The following MTDH variants were observed in gnomAD, a reference collection of about 807,000 sequenced individuals.
The protein encoded by MTDH is metadherin, also known as protein LYRIC.
A neutral mutation model predicts 72.7 loss-of-function variants in MTDH; 34 were observed. That is an observed-to-expected ratio of 0.47 (90% CI 0.36 to 0.62). MTDH has a LOEUF of 0.62. Ranked by LOEUF, MTDH falls within the 20% of genes least tolerant of loss-of-function variation. The pLI is 0.00. For missense variants in MTDH, 677 were observed against 699.4 expected (o/e 0.97, Z 0.36); for synonymous variants, 266 against 268.9 (o/e 0.99, Z 0.10).
chr8:97,696,252 C>G, intron 6 of MTDH: 4 of 985,320 alleles, frequency 4.1e-6, no homozygotes, highest in Non-Finnish European at 4.8e-6. Flanking sequence ...GAACAGAATT[C>G]TGCTTCTTTT....
chr8:97,660,734 T>C (rs930847021), intron 1 of MTDH, among the ~76,000 whole-genome samples: 2 of 152,124 alleles, frequency 1.3e-5, no homozygotes, highest in African/African-American at 4.8e-5. Context: ...ATGAGTGAAA[T>C]ATTCTGAGAT....
chr8:97,683,805 T>C (rs1028913709), intron 2 of MTDH, among the ~76,000 whole-genome samples: 13 of 152,060 alleles, frequency 8.5e-5, no homozygotes, highest in Non-Finnish European at 1.8e-4. Context: ...CGTGTGGATA[T>C]TGAGCACTTA....
At chr8:97,646,716 C>T (rs916689035) in intron 1 of MTDH, among the ~76,000 whole-genome samples, 1 of 152,154 alleles carries the variant, frequency 6.6e-6, no homozygotes, top group Non-Finnish European at 1.5e-5. Context: ...AAGACTTACC[C>T]CCTCATTTTC....
intron 2 of MTDH, among the ~76,000 whole-genome samples, chr8:97,673,024 C>A (rs1365310506): frequency 6.6e-6 from 1 of 152,120 alleles, no homozygotes; most frequent in African/African-American, 2.4e-5. Context: ...GTAGACACGG[C>A]TGTATGTAAT....
chr8:97,650,420 G>T (rs961672105), intron 1 of MTDH, among the ~76,000 whole-genome samples: 1 of 150,608 alleles, frequency 6.6e-6, no homozygotes, highest in Non-Finnish European at 1.5e-5. Context: ...GACTACAGAC[G>T]CACACCACCA....
chr8:97,652,497 T>C (rs1011910173), intron 1 of MTDH, among the ~76,000 whole-genome samples: 3 of 152,224 alleles, frequency 2.0e-5, no homozygotes, highest in Non-Finnish European at 4.4e-5. Context: ...TTCATAGTGG[T>C]TATTACAGTT....
At chr8:97,669,728 C>G (rs924454704) in intron 2 of MTDH, among the ~76,000 whole-genome samples, 1 of 151,446 alleles carries the variant, frequency 6.6e-6, no homozygotes, top group Non-Finnish European at 1.5e-5. Flanking sequence ...ACCAGCCTGG[C>G]CAACATGGTG....
rs747881795 is a variant in MTDH at position 97,730,087 on chromosome 8, A to G, written c.*5417A>G. On this transcript the variant is annotated 3_prime_UTR_variant, in exon 12 of 12. Coordinates refer to ENST00000336273, the MANE Select transcript of MTDH (RefSeq NM_178812.4). ...ATAGTTACAGTACTGAAGCTTGTGA[A>G]TACGTTAATTGAGAAAACTTTAAGC... is the stretch of plus-strand genomic sequence containing the variant. Among the ~76,000 whole-genome samples, 1 of 152,188 alleles carries G rather than the reference A, an allele frequency of 6.6e-6. No homozygotes were observed. The highest frequency in any genetic ancestry group is 2.4e-5 in the African/African-American group (1 of 41,452).
At chr8:97,652,994 C>CTAT (rs1288321965) in intron 1 of MTDH, among the ~76,000 whole-genome samples, 1 of 151,970 alleles carries the variant, frequency 6.6e-6, no homozygotes, top group Non-Finnish European at 1.5e-5. Flanking sequence ...TGGCGTGCAC[C>CTAT]TATAGTCCCA....
intron 10 of MTDH, among the ~76,000 whole-genome samples, chr8:97,719,492 C>CAAAAA (rs11383714): frequency 2.5e-5 from 2 of 79,900 alleles, no homozygotes; most frequent in African/African-American, 8.1e-5. Context: ...GACACTGTCT[C>CAAAAA]AAAAAAAAAA....
At position 97,653,938 on chromosome 8, in the gene MTDH, C is replaced by T. The variant is rs150695009; in HGVS notation, c.382-7134C>T. 5.3e-3 allele frequency among the ~76,000 whole-genome samples: 810 copies of T among 152,268 alleles called. 5 individuals carry two copies. Among genetic ancestry groups the T allele is most frequent in the African/African-American group, 0.017 (717 of 41,556 alleles). ...TATCATTTGTAGTCCTTATCATACC[C>T]ATCAGATGTAAAATATTGAAAACCA... On this transcript the variant is annotated intron_variant, in intron 1 of 11. Coordinates refer to ENST00000336273, the MANE Select transcript of MTDH (RefSeq NM_178812.4).
At chr8:97,668,494 A>G (rs886506858) in intron 2 of MTDH, among the ~76,000 whole-genome samples, 4 of 152,174 alleles carry the variant, frequency 2.6e-5, no homozygotes, top group East Asian at 1.9e-4. Context: ...AGATAGACCA[A>G]TGGATTTTAA....
intron 1 of MTDH, among the ~76,000 whole-genome samples, chr8:97,660,797 C>T (rs577689053): frequency 6.6e-6 from 1 of 152,110 alleles, no homozygotes; most frequent in South Asian, 2.1e-4. Context: ...CTCCTTTTAA[C>T]TGCTTCCATT....
chr8:97,666,461 TTC>T (rs1213604244), intron 2 of MTDH, among the ~76,000 whole-genome samples: 1 of 152,232 alleles, frequency 6.6e-6, no homozygotes, highest in Non-Finnish European at 1.5e-5. Flanking sequence ...GGAATGCTCC[TTC>T]AGTTTCTCTA....
chr8:97,720,571 G>C lies in MTDH; in HGVS notation c.1521+1382G>C, dbSNP rs1230121308. Among the ~76,000 whole-genome samples the C allele has an allele frequency of 2.0e-5, 3 of 151,112 alleles. No homozygotes were observed. The South Asian group carries it at 6.3e-4, about 32-fold the overall frequency. On this transcript the variant is annotated intron_variant, in intron 10 of 11. Transcript: ENST00000336273. ...AGCCTGGGCGACAAAGTGAGACTTT[G>C]TGAAGAAGAATATATATATATTTAT...
At chr8:97,691,564 C>T (rs1231457021) in intron 6 of MTDH, among the ~76,000 whole-genome samples, 1 of 152,146 alleles carries the variant, frequency 6.6e-6, no homozygotes, top group African/African-American at 2.4e-5. Flanking sequence ...ATAACATCCA[C>T]TTATATTTTA....
At chr8:97,691,453 ATTC>A (rs1813605190) in intron 6 of MTDH, among the ~76,000 whole-genome samples, 1 of 152,190 alleles carries the variant, frequency 6.6e-6, no homozygotes, top group South Asian at 2.1e-4. Context: ...GTAATTATAT[ATTC>A]TTAGTGATGT....
At chr8:97,679,885 A>G (rs886198347) in intron 2 of MTDH, among the ~76,000 whole-genome samples, 2 of 152,188 alleles carry the variant, frequency 1.3e-5, no homozygotes, top group African/African-American at 2.4e-5. Context: ...TTAGCAATTG[A>G]GTATTGGCAC....
intron 1 of MTDH, among the ~76,000 whole-genome samples, chr8:97,651,787 G>A (rs1340738697): frequency 6.6e-6 from 1 of 152,172 alleles, no homozygotes; most frequent in African/African-American, 2.4e-5. Flanking sequence ...AGTCTGATAC[G>A]TATCTCAAAC....
Sources: gnomAD v4.1 joint callset for allele counts (sites outside exome capture counted in the v4.1 genomes callset) on GRCh38, gnomAD v4.1.1 for gene constraint, MANE v1.5 for transcripts, NCBI Gene and HGNC (gene_info 2026-07-23, HGNC 2026-07-21) for gene names.